CXXC1: variants seen among roughly 807,000 people sequenced by gnomAD.
The protein encoded by CXXC1 is CXXC-type zinc finger protein 1.
A neutral mutation model predicts 83.6 loss-of-function variants in CXXC1; 21 were observed. The observed-to-expected ratio is 0.25, with a 90% CI of 0.18 to 0.36. The LOEUF (loss-of-function observed/expected upper bound fraction) is 0.36. Ranked by LOEUF, CXXC1 falls within the 10% of genes least tolerant of loss-of-function variation. The pLI is 1.00. For synonymous variants in CXXC1, 371 were observed against 337.5 expected (o/e 1.10, Z -1.09); for missense variants, 688 against 919.5 (o/e 0.75, Z 3.26).
In CXXC1 at chr18:50,284,579, G is replaced by A. The variant is rs370086386; in HGVS notation, c.1021-17C>T. 1.3e-6 allele frequency: 2 copies of A among 1,581,940 alleles called. No individual in the cohort carries two copies. The highest frequency in any genetic ancestry group is 1.3e-5 in the African/African-American group (1 of 74,460). On this transcript the variant is annotated splice_polypyrimidine_tract_variant and intron_variant, in intron 8 of 14. Coordinates refer to ENST00000285106, the MANE Select transcript of CXXC1 (RefSeq NM_014593.4). ...CTCCTCCTTCTGTTGAGCAAGACAA[G>A]TCAGGTCAGGGTGGAGTCAAAGTCA...
chr18:50,284,681 C>G (rs964805576), intron 8 of CXXC1, 51 bp downstream of exon 8: 5 of 1,609,588 alleles, frequency 3.1e-6, no homozygotes, highest in Non-Finnish European at 4.2e-6. Flanking sequence ...CTCTGCCTCT[C>G]CCTCAACCCC....
At chr18:50,287,441 T>C (rs777489753) in intron 1 of CXXC1, 146 bp downstream of exon 1, 12 of 960,128 alleles carry the variant, frequency 1.2e-5, no homozygotes, top group Non-Finnish European at 1.9e-5. Context: ...TCCCAGATGG[T>C]TCATCATTCT....
chr18:50,286,380 G>A (rs1286662740), intron 3 of CXXC1, 123 bp from the exon 4 acceptor site: 5 of 1,095,906 alleles, frequency 4.6e-6, no homozygotes, highest in Non-Finnish European at 6.7e-6. Flanking sequence ...CCTGTCCAGG[G>A]CAGAGCTGCC....
rs765608268 is a variant in CXXC1 at position 50,287,633 on chromosome 18, C to G, written c.-44G>C. ...CTCCCTCACGACCCCCGCCAGCGAC[C>G]CGCGAACCTGCACAGACCACTCGGC... is the stretch of plus-strand genomic sequence containing the variant. On this transcript the variant is annotated 5_prime_UTR_variant, in exon 1 of 15. Coordinates refer to ENST00000285106, the MANE Select transcript of CXXC1 (RefSeq NM_014593.4). 73 of 1,608,380 alleles carry G rather than the reference C, an allele frequency of 4.5e-5. No homozygotes were observed. The highest frequency in any genetic ancestry group is 6.7e-5 in the African/African-American group (5 of 74,920).
chr18:50,282,785 C>G lies in CXXC1; in HGVS notation c.1825-46G>C. 6.2e-7 allele frequency: 1 copy of G among 1,611,938 alleles called. No homozygotes were observed. The highest frequency in any genetic ancestry group is 8.5e-7 in the Non-Finnish European group (1 of 1,178,382). Reference sequence around the variant, plus strand: ...GTCCTAAGCAGGAACACCTGCAGCCCCGCCTGCCCCGGCCACGTCCGACAT... The same window carrying G: ...GTCCTAAGCAGGAACACCTGCAGCCGCGCCTGCCCCGGCCACGTCCGACAT... On this transcript the variant is annotated intron_variant, in intron 14 of 14. Transcript: ENST00000285106. This position sits in a 1 kb window ranked among gnomAD's most constrained non-coding sequence, Gnocchi z 5.8.
At position 50,286,976 on chromosome 18, in the gene CXXC1, G is replaced by A. The variant is rs1310790043; in HGVS notation, c.4-118C>T. 9.2e-6 allele frequency: 7 copies of A among 759,692 alleles called. 1 individual carries two copies. In the South Asian group the frequency reaches 1.1e-4, roughly 12 times the overall value. 47.1% of individuals were successfully genotyped at this position (759,692 alleles called of 1,614,324 possible). On this transcript the variant is annotated intron_variant, in intron 1 of 14. Coordinates refer to ENST00000285106, the MANE Select transcript of CXXC1 (RefSeq NM_014593.4). ...CACTCTGCCTGCAGATTTCACATCG[G>A]GGCCCCCAAAAAACCTCTCCATCAC...
In CXXC1 at chr18:50,285,875, C is replaced by T. The variant is rs1301646766; in HGVS notation, c.513G>A (p.Glu171=). 1.2e-6 allele frequency: 2 copies of T among 1,614,238 alleles called. No individual in the cohort carries two copies. The highest frequency in any genetic ancestry group is 2.7e-5 in the African/African-American group (2 of 75,052). ...CCTCAGTGCGCCGACATGCCTCACACTCACCACACATGCGGGCTGACCGTT... is the reference window on the plus strand; with the variant it reads ...CCTCAGTGCGCCGACATGCCTCACATTCACCACACATGCGGGCTGACCGTT... The part of the protein sequence containing the change: ...QIKRSARMCG[E]CEACRRTEDC... Residue 171 remains glutamate, a synonymous_variant, in exon 5 of 15, where the codon GAG becomes GAA. Transcript: ENST00000285106. The surrounding 1 kb of genome is among the most constrained non-coding windows in gnomAD (Gnocchi z 4.4).
intron 1 of CXXC1, 93 bp downstream of exon 1, chr18:50,287,494 G>A (rs1340287073): frequency 2.7e-6 from 4 of 1,462,952 alleles, no homozygotes; most frequent in African/African-American, 1.4e-5. Flanking sequence ...TCCGGTTATG[G>A]CTCACCACAG....
chr18:50,284,197 G>T, intron 9 of CXXC1, 96 bp from the exon 10 acceptor site: 1 of 1,468,896 alleles, frequency 6.8e-7, no homozygotes, highest in Non-Finnish European at 9.3e-7. Flanking sequence ...GTAAATAGGT[G>T]ACTGGCGGAA....
chr18:50,284,693 C>T, intron 8 of CXXC1, 39 bp downstream of exon 8: 2 of 1,610,120 alleles, frequency 1.2e-6, no homozygotes, highest in Non-Finnish European at 1.7e-6. Flanking sequence ...CTCAACCCCA[C>T]CCTCTGCCTT....
rs1038011874 is a variant in CXXC1 at position 50,287,653 on chromosome 18, C to A, written c.-64G>T. 11 of 1,598,790 alleles carry A rather than the reference C, an allele frequency of 6.9e-6. No individual in the cohort carries two copies. The highest frequency in any genetic ancestry group is 9.4e-6 in the Non-Finnish European group (11 of 1,176,294). The stretch of plus-strand genomic sequence containing the variant: ...GCGACCCGCGAACCTGCACAGACCA[C>A]TCGGCGGCGTCCCAGGCGGTTGCAA... On this transcript the variant is annotated 5_prime_UTR_variant, in exon 1 of 15. Transcript: ENST00000285106.
intron 1 of CXXC1, chr18:50,287,090 C>T (rs1225330210): frequency 2.5e-5 from 14 of 570,334 alleles, no homozygotes; most frequent in South Asian, 1.5e-4. Flanking sequence ...CCGCTCCCTG[C>T]GTCCACACTC....
Position 50,282,889 on chromosome 18 carries a change from G to T in CXXC1, c.1789C>A (p.Arg597=), listed in dbSNP as rs371101670. Residue 597 remains arginine, a synonymous_variant, in exon 14 of 15, where the codon CGG becomes AGG. Coordinates refer to ENST00000285106, the MANE Select transcript of CXXC1 (RefSeq NM_014593.4). This position sits in a 1 kb window ranked among gnomAD's most constrained non-coding sequence, Gnocchi z 5.8. ...CNRHYCWEKL[R]RAEVDLERVR... ...CGCTCCAAGTCCACTTCCGCACGCCGCAGCTTCTCCCAGCAGTAATGGCGA... is the reference window on the plus strand; with the variant it reads ...CGCTCCAAGTCCACTTCCGCACGCCTCAGCTTCTCCCAGCAGTAATGGCGA... 1.6e-5 allele frequency: 26 copies of T among 1,614,176 alleles called. No homozygotes were observed. In the African/African-American group the frequency reaches 3.1e-4, roughly 19 times the overall value.
chr18:50,287,642 T>C lies in CXXC1; in HGVS notation c.-53A>G. The C allele has an allele frequency of 6.2e-7, 1 of 1,604,892 alleles. No homozygotes were observed. Among genetic ancestry groups the C allele is most frequent in the Non-Finnish European group, 8.5e-7 (1 of 1,178,410 alleles). On this transcript the variant is annotated 5_prime_UTR_variant, in exon 1 of 15. Transcript: ENST00000285106. Reference sequence around the variant, plus strand: ...GACCCCCGCCAGCGACCCGCGAACCTGCACAGACCACTCGGCGGCGTCCCA... The same window carrying C: ...GACCCCCGCCAGCGACCCGCGAACCCGCACAGACCACTCGGCGGCGTCCCA...
Position 50,286,076 on chromosome 18 carries a change from GC to G in CXXC1, c.404del (p.Gly135AlafsTer56). 6.2e-7 allele frequency: 1 copy of G among 1,613,958 alleles called. No individual in the cohort carries two copies. The highest frequency in any genetic ancestry group is 8.5e-7 in the Non-Finnish European group (1 of 1,179,972). On this transcript the variant is annotated frameshift_variant, in exon 4 of 15. Transcript: ENST00000285106. LOFTEE classifies it high-confidence loss of function. ...GAGAGGATTTGTGGGGCGAAGCAGA[GC>G]CCCGAGCAAGCATGGCCCCAACCCC... ...GTGVGAMLAR[G>X]SASPHKSSPQ...
At chr18:50,283,836 A>G in intron 10 of CXXC1, 21 bp from the exon 11 acceptor site, 1 of 1,614,048 alleles carries the variant, frequency 6.2e-7, no homozygotes, top group Non-Finnish European at 8.5e-7. Flanking sequence ...TGGAAGGAAC[A>G]ATAAGGCTGG....
At position 50,284,013 on chromosome 18, in the gene CXXC1, G is replaced by A. The variant is rs529677389; in HGVS notation, c.1294C>T (p.Arg432Cys). 1.4e-5 allele frequency: 22 copies of A among 1,612,710 alleles called. No homozygotes were observed. The highest frequency in any genetic ancestry group is 2.2e-5 in the East Asian group (1 of 44,880). Residue 432 changes from arginine (R) to cysteine (C), a missense_variant, in exon 10 of 15, where the codon CGC (arginine) becomes TGC (cysteine). By Grantham distance (180) the Arg-to-Cys change is radical. Transcript: ENST00000285106. ...AEEHGKKLLE[R>C]IRREQQSART... is the part of the protein sequence containing the mutation. ...GCACTCTGCTGCTCTCGGCGAATGCGTTCGAGCAGCTTCTTGCCGTGCTCT... is the reference window on the plus strand; with the variant it reads ...GCACTCTGCTGCTCTCGGCGAATGCATTCGAGCAGCTTCTTGCCGTGCTCT...
chr18:50,284,174 G>A (rs1045489839), intron 9 of CXXC1, 73 bp from the exon 10 acceptor site: 165 of 1,521,092 alleles, frequency 1.1e-4, no homozygotes, highest in Non-Finnish European at 1.4e-4. Flanking sequence ...AGACGCAAAT[G>A]GCAAAAGGAG....
In CXXC1 at chr18:50,282,805, C is replaced by G. The variant is rs751506313; in HGVS notation, c.1824+49G>C. The G allele has an allele frequency of 2.5e-6, 4 of 1,611,960 alleles. No homozygotes were observed. The East Asian group carries it at 8.9e-5, about 36-fold the overall frequency. ...CAGCCCCGCCTGCCCCGGCCACGTC[C>G]GACATGGAAACCTACCACATGCAGC... On this transcript the variant is annotated intron_variant, in intron 14 of 14. Coordinates refer to ENST00000285106, the MANE Select transcript of CXXC1 (RefSeq NM_014593.4). This position sits in a 1 kb window ranked among gnomAD's most constrained non-coding sequence, Gnocchi z 5.8.
Sources: allele counts gnomAD v4.1 joint callset, GRCh38; gene constraint gnomAD v4.1.1; non-coding constraint Gnocchi (gnomAD v3.1); transcripts MANE v1.5; gene names NCBI Gene and HGNC (gene_info 2026-07-23, HGNC 2026-07-21).